The following ANKS1B variants were observed in gnomAD, a reference collection of about 807,000 sequenced individuals.
The protein encoded by ANKS1B is ankyrin repeat and sterile alpha motif domain-containing protein 1B.
In ANKS1B, 36 loss-of-function variants were observed where a neutral mutation model predicts 148.3. That is an observed-to-expected ratio of 0.24 (90% CI 0.19 to 0.32). The LOEUF is 0.32. ANKS1B is among the 10% of genes least tolerant of loss of function. ANKS1B has a pLI of 1.00. For synonymous variants in ANKS1B, 542 were observed against 560.8 expected (o/e 0.97, Z 0.47); for missense variants, 1,157 against 1,542.6 (o/e 0.75, Z 4.19).
intron 17 of ANKS1B, among the ~76,000 whole-genome samples, chr12:99,030,007 C>A (rs2099951006): frequency 6.6e-6 from 1 of 152,250 alleles, no homozygotes; most frequent in Non-Finnish European, 1.5e-5. Context: ...GGAATTTATC[C>A]TGGTCACCTG....
Position 98,745,193 on chromosome 12 carries a change from A to T in ANKS1B, c.*546T>A. Reference sequence around the variant, plus strand: ...AATCCACAAATATAGAAATGGGGAAACAGAATCTCCTGGCAATCATATCAC... The same window carrying T: ...AATCCACAAATATAGAAATGGGGAATCAGAATCTCCTGGCAATCATATCAC... On this transcript the variant is annotated 3_prime_UTR_variant, in exon 27 of 27. Coordinates refer to ENST00000683438, the MANE Select transcript of ANKS1B (RefSeq NM_001352186.2). 1.0e-6 allele frequency: 1 copy of T among 985,788 alleles called. No individual in the cohort carries two copies. Among genetic ancestry groups the T allele is most frequent in the East Asian group, 1.1e-4 (1 of 8,814 alleles). The allele number at this position is 985,788 out of a possible 1,614,324, so 61.1% of individuals were successfully genotyped here.
chr12:98,737,730 C>T (rs1404303940), intron 9 of ANKS1B, among the ~76,000 whole-genome samples: 1 of 152,126 alleles, frequency 6.6e-6, no homozygotes, highest in Non-Finnish European at 1.5e-5. Context: ...TTAGTTTGGC[C>T]TTTTTCTGTG....
chr12:98,783,002 G>A (rs1399377070), intron 22 of ANKS1B, among the ~76,000 whole-genome samples: 1 of 151,148 alleles, frequency 6.6e-6, no homozygotes, highest in African/African-American at 2.5e-5. Flanking sequence ...AGGGAGGGCT[G>A]GGGCAGCCCA....
At chr12:99,229,827 T>C (rs905600306) in intron 14 of ANKS1B, among the ~76,000 whole-genome samples, 2 of 152,092 alleles carry the variant, frequency 1.3e-5, no homozygotes. Flanking sequence ...TTAGTATTTT[T>C]TAAGTGTCTA....
At chr12:99,421,040 A>C (rs1236097187) in intron 11 of ANKS1B, among the ~76,000 whole-genome samples, 2 of 152,180 alleles carry the variant, frequency 1.3e-5, no homozygotes, top group Non-Finnish European at 2.9e-5. Context: ...GGATTATATA[A>C]GCCTCCCCAC....
chr12:99,537,555 A>G (rs894977408), intron 9 of ANKS1B, among the ~76,000 whole-genome samples: 2 of 152,080 alleles, frequency 1.3e-5, no homozygotes, highest in African/African-American at 4.8e-5. Flanking sequence ...CCAGTTGTGT[A>G]TGTCTTCTTG....
At chr12:99,126,865 A>C (rs1488590489) in intron 15 of ANKS1B, among the ~76,000 whole-genome samples, 1 of 152,158 alleles carries the variant, frequency 6.6e-6, no homozygotes, top group East Asian at 1.9e-4. Flanking sequence ...GGTCCAAGCA[A>C]AATGTTAACA....
At chr12:98,896,126 C>T (rs2099764286) in intron 17 of ANKS1B, among the ~76,000 whole-genome samples, 1 of 152,010 alleles carries the variant, frequency 6.6e-6, no homozygotes, top group African/African-American at 2.4e-5. Flanking sequence ...GTTGGAATGG[C>T]GGTACTTTAA....
At chr12:99,180,874 C>T (rs1356119659) in intron 14 of ANKS1B, among the ~76,000 whole-genome samples, 1 of 147,984 alleles carries the variant, frequency 6.8e-6, no homozygotes, top group East Asian at 2.1e-4. Context: ...CACTTTCTCC[C>T]CCAAAGCAAG....
In ANKS1B at chr12:99,244,347, G is replaced by T. The variant is rs552586924; in HGVS notation, c.2414C>A (p.Thr805Asn). ...GTAGAGGAAGGTTGCCTTACTTGTG[G>T]TCTCACCATTCATCTCTTTAAGTTC... ...NNELKEMNGE[T>N]TRPRCPVQTV... The change falls in exon 14 of 27, where the codon ACC (threonine) becomes AAC (asparagine). Residue 805 changes from threonine (T) to asparagine (N), a missense_variant. By Grantham distance (65) the Thr-to-Asn change is moderately conservative. Coordinates refer to ENST00000683438, the MANE Select transcript of ANKS1B (RefSeq NM_001352186.2). 1 of 1,603,812 alleles carries T rather than the reference G, an allele frequency of 6.2e-7. No individual in the cohort carries two copies. The highest frequency in any genetic ancestry group is 1.1e-5 in the South Asian group (1 of 89,508).
intron 17 of ANKS1B, among the ~76,000 whole-genome samples, chr12:98,946,671 C>T (rs1004909972): frequency 6.6e-6 from 1 of 152,058 alleles, no homozygotes; most frequent in East Asian, 1.9e-4. Flanking sequence ...TGATTTGGCT[C>T]ACACTTGGAA....
At chr12:99,047,019 A>G (rs1367443917) in intron 17 of ANKS1B, among the ~76,000 whole-genome samples, 1 of 152,216 alleles carries the variant, frequency 6.6e-6, no homozygotes, top group East Asian at 1.9e-4. Context: ...TGAATAGGAC[A>G]TTGGTGAACT....
At chr12:99,157,833 A>G (rs1741976674) in intron 14 of ANKS1B, among the ~76,000 whole-genome samples, 1 of 152,168 alleles carries the variant, frequency 6.6e-6, no homozygotes, top group African/African-American at 2.4e-5. Flanking sequence ...TATATTACAA[A>G]AGACAGTATA....
intron 8 of ANKS1B, among the ~76,000 whole-genome samples, chr12:99,742,685 A>C (rs1490886493): frequency 1.3e-5 from 2 of 151,908 alleles, no homozygotes; most frequent in African/African-American, 4.8e-5. Flanking sequence ...ATACAAAAAA[A>C]AAATTAGCCA....
At chr12:99,665,861 TTGG>T (rs1445920659) in intron 8 of ANKS1B, among the ~76,000 whole-genome samples, 1 of 152,190 alleles carries the variant, frequency 6.6e-6, no homozygotes, top group African/African-American at 2.4e-5. Context: ...CTTTGTACTG[TTGG>T]TGAATATATA....
chr12:99,647,476 G>C (rs1250895145), intron 9 of ANKS1B, among the ~76,000 whole-genome samples: 1 of 152,190 alleles, frequency 6.6e-6, no homozygotes, highest in African/African-American at 2.4e-5. Flanking sequence ...TGAGTATACA[G>C]AGAATGTATA....
chr12:99,235,313 C>G (rs566362437), intron 14 of ANKS1B, among the ~76,000 whole-genome samples: 1 of 152,022 alleles, frequency 6.6e-6, no homozygotes, highest in Non-Finnish European at 1.5e-5. Context: ...CCAATGTTAC[C>G]TAAGTCTAGC....
intron 9 of ANKS1B, among the ~76,000 whole-genome samples, chr12:99,507,488 G>C (rs1261812441): frequency 1.3e-5 from 2 of 151,856 alleles, no homozygotes; most frequent in African/African-American, 2.4e-5. Context: ...AGATAACTGA[G>C]GGTAATATTT....
At chr12:99,760,900 G>A (rs920005951) in intron 8 of ANKS1B, among the ~76,000 whole-genome samples, 24 of 150,118 alleles carry the variant, frequency 1.6e-4, no homozygotes, top group African/African-American at 5.6e-4. Context: ...AAAACCCTCA[G>A]AGACTATGAT....
Sources: gnomAD v4.1 joint callset for allele counts (sites outside exome capture counted in the v4.1 genomes callset) on GRCh38, gnomAD v4.1.1 for gene constraint, MANE v1.5 for transcripts, NCBI Gene and HGNC (gene_info 2026-07-23, HGNC 2026-07-21) for gene names.